The following MMP20 variants were observed in gnomAD, a reference collection of about 807,000 sequenced individuals.
MMP20 encodes matrix metalloproteinase-20.
A neutral mutation model predicts 51.8 loss-of-function variants in MMP20; 50 were observed. The observed-to-expected ratio is 0.97, with a 90% CI of 0.77 to 1.22. The LOEUF (loss-of-function observed/expected upper bound fraction) is 1.22, where lower values mean the gene tolerates loss of function less well. Among genes scored for constraint, MMP20 ranks in the 50% most tolerant of loss-of-function variants. The pLI, the probability that MMP20 is intolerant of heterozygous loss-of-function variation, is 0.00. For missense variants in MMP20, 663 were observed against 601.4 expected, an observed-to-expected ratio of 1.10 and a Z score of -1.07; for synonymous variants, 244 against 216.2, an observed-to-expected ratio of 1.13 and a Z score of -1.13.
At position 102,578,737 on chromosome 11, in the gene MMP20, AAAAAACAAAAAACAAAAAACAAAAAAC is replaced by A. The variant is rs1479406853; in HGVS notation, c.1351+275_1351+301del. 3.3e-3 allele frequency among the ~76,000 whole-genome samples: 3 copies of A among 908 alleles called. No homozygotes were observed. In the Non-Finnish European group the frequency reaches 0.036, roughly 11 times the overall value. 0.6% of individuals were successfully genotyped at this position (908 alleles called of 152,430 possible). A position where few individuals can be genotyped will look rare whatever the true frequency, so the allele number is the denominator to read the frequency against. On this transcript the variant is annotated intron_variant, in intron 9 of 9. Transcript: ENST00000260228. ...GCCACAGAGCGAGACTCCGTCTCAA[AAAAAACAAAAAACAAAAAACAAAAAAC>A]AAAAACAAAAAACAAAACACACACA...
At chr11:102,579,963 A>G (rs1859174669) in intron 8 of MMP20, among the ~76,000 whole-genome samples, 1 of 152,248 alleles carries the variant, frequency 6.6e-6, no homozygotes, top group Admixed American at 6.5e-5. Context: ...CCATGGAGAA[A>G]GGGTTGAACA....
intron 8 of MMP20, among the ~76,000 whole-genome samples, chr11:102,590,288 AG>A (rs567400587): frequency 1.4e-3 from 209 of 152,356 alleles, no homozygotes; most frequent in African/African-American, 4.8e-3. Flanking sequence ...AATAAAAGTA[AG>A]GGGAAGTGGT....
chr11:102,582,484 G>A (rs983584493), intron 8 of MMP20, among the ~76,000 whole-genome samples: 1 of 152,148 alleles, frequency 6.6e-6, no homozygotes, highest in African/African-American at 2.4e-5. Flanking sequence ...CCATTTTGAA[G>A]TTAATGATTT....
intron 1 of MMP20, among the ~76,000 whole-genome samples, chr11:102,617,466 T>A (rs1859689544): frequency 1.3e-5 from 2 of 152,254 alleles, no homozygotes; most frequent in African/African-American, 4.8e-5. Flanking sequence ...ACAAAGGCTA[T>A]CTGGTTTCTT....
At position 102,577,256 on chromosome 11, in the gene MMP20, T is replaced by C. The variant is rs1859136187; in HGVS notation, c.*70A>G. ...AGAATCCCTCTCCTACATTCTGCTT[T>C]AGTCCTTAAGATCCAGTTAGAGGCT... On this transcript the variant is annotated 3_prime_UTR_variant, in exon 10 of 10. Transcript: ENST00000260228. 6.9e-6 allele frequency: 7 copies of C among 1,013,400 alleles called. No individual in the cohort carries two copies. The highest frequency in any genetic ancestry group is 1.1e-5 in the Non-Finnish European group (7 of 633,722). The allele number at this position is 1,013,400 out of a possible 1,614,324, so 62.8% of individuals were successfully genotyped here. A position where few individuals can be genotyped will look rare whatever the true frequency, so the allele number is the denominator to read the frequency against.
rs376451354 is a variant in MMP20 at position 102,608,944 on chromosome 11, T to C, written c.804A>G (p.Ala268=). Residue 268 remains alanine (A), a synonymous_variant, in exon 5 of 10, where the codon GCA becomes GCG. Coordinates refer to ENST00000260228, the MANE Select transcript of MMP20 (RefSeq NM_004771.4). ...AGAAGGTAATAATCTTACCGTATAA[T>C]GCCTGGATCCCTTTCACATCATCTT... is the stretch of plus-strand genomic sequence containing the variant. ...LPKDDVKGIQ[A]LYGPRKVFLG... is the part of the protein sequence containing the mutation. 15 of 1,614,044 alleles carry C rather than the reference T, an allele frequency of 9.3e-6. No individual in the cohort carries two copies. The highest frequency in any genetic ancestry group is 2.7e-5 in the African/African-American group (2 of 74,936).
chr11:102,616,431 G>T (rs1230342816), intron 2 of MMP20, among the ~76,000 whole-genome samples: 6 of 152,108 alleles, frequency 3.9e-5, no homozygotes, highest in East Asian at 1.9e-4. Flanking sequence ...ATCAATAAAA[G>T]ATTTTTGGAA....
chr11:102,616,582 ATTGT>A (rs997316632), intron 2 of MMP20, among the ~76,000 whole-genome samples: 16 of 152,252 alleles, frequency 1.1e-4, no homozygotes, highest in Admixed American at 1.0e-3. Flanking sequence ...AGCTGGTAAA[ATTGT>A]TTGGAATGCC....
rs1022761273 is a variant in MMP20 at position 102,587,017 on chromosome 11, C to T, written c.1247+6422G>A. Among the ~76,000 whole-genome samples the T allele has an allele frequency of 3.9e-5, 6 of 151,996 alleles. No homozygotes were observed. In the East Asian group the frequency reaches 1.2e-3, roughly 29 times the overall value. On this transcript the variant is annotated intron_variant, in intron 8 of 9. Transcript: ENST00000260228. ...TAGGTTTAATATGTTCTTGATTTTC[C>T]ATTATCTCAAAGTGGAAGGTGAAGT...
Position 102,593,563 on chromosome 11 carries a change from T to G in MMP20, c.1123A>C (p.Met375Leu), listed in dbSNP as rs769958246. The G allele has an allele frequency of 1.2e-6, 2 of 1,614,128 alleles. No homozygotes were observed. Among genetic ancestry groups the G allele is most frequent in the Non-Finnish European group, 1.7e-6 (2 of 1,179,986 alleles). ...PHYWITRGFQ[M>L]QGPPRTIYDF... ...TAAATAGTCCGAGGAGGACCTTGCA[T>G]TTGGAATCCTCTTGTTATCCAGTAG... Residue 375 changes from methionine (M) to leucine (L), a missense_variant, in exon 8 of 10, where the codon ATG (methionine) becomes CTG (leucine). Coordinates refer to ENST00000260228, the MANE Select transcript of MMP20 (RefSeq NM_004771.4).
chr11:102,608,913 C>A, intron 5 of MMP20, 24 bp downstream of exon 5: 2 of 1,612,408 alleles, frequency 1.2e-6, no homozygotes, highest in African/African-American at 1.3e-5. Flanking sequence ...CAGGGTGAGT[C>A]ATCAAAGAAG....
intron 9 of MMP20, among the ~76,000 whole-genome samples, chr11:102,578,158 T>A (rs9787815): frequency 0.22 from 33,859 of 151,766 alleles, 4,456 homozygotes; most frequent in African/African-American, 0.37. Context: ...TTTTTTTTTT[T>A]TTTGAGACAG....
In MMP20 at chr11:102,595,512, T is replaced by C. The variant is rs180968822; in HGVS notation, c.954-755A>G. Among the ~76,000 whole-genome samples the C allele has an allele frequency of 1.8e-3, 279 of 152,352 alleles. 5 individuals are homozygous for C. Among genetic ancestry groups the C allele is most frequent in the Non-Finnish European group, 2.4e-4 (16 of 68,036 alleles). Reference sequence around the variant, plus strand: ...GTAACTATGATCCAGAAGGTGGACATTGTGAATAGTATGTAAATGAACCAG... The same window carrying C: ...GTAACTATGATCCAGAAGGTGGACACTGTGAATAGTATGTAAATGAACCAG... On this transcript the variant is annotated intron_variant, in intron 6 of 9. Transcript: ENST00000260228.
At chr11:102,616,682 A>T in intron 2 of MMP20, 130 bp downstream of exon 2, 1 of 1,225,208 alleles carries the variant, frequency 8.2e-7, no homozygotes, top group Non-Finnish European at 1.2e-6. Flanking sequence ...GGATGTAAAA[A>T]GTTCTTATTC....
In MMP20 at chr11:102,579,158, T is replaced by A. The variant is rs17174286; in HGVS notation, c.1248-16A>T. 634 of 1,561,670 alleles carry A rather than the reference T, an allele frequency of 4.1e-4. 5 individuals are homozygous for A. The African/African-American group carries it at 7.1e-3, about 17-fold the overall frequency. ...TTCGTCGTAGCTAGAAAAAGTATTA[T>A]TTCATAAATAATATTACTAAGAGGT... On this transcript the variant is annotated splice_polypyrimidine_tract_variant and intron_variant, in intron 8 of 9. Transcript: ENST00000260228.
chr11:102,609,222 A>G (rs977407860), intron 4 of MMP20, 124 bp from the exon 5 acceptor site: 2 of 898,296 alleles, frequency 2.2e-6, no homozygotes, highest in African/African-American at 1.7e-5. Flanking sequence ...TAACTGGATT[A>G]TTCAAAGGTT....
intron 1 of MMP20, among the ~76,000 whole-genome samples, chr11:102,624,179 A>C (rs1447453936): frequency 6.6e-6 from 1 of 152,202 alleles, no homozygotes; most frequent in Non-Finnish European, 1.5e-5. Flanking sequence ...CAGACAGCCA[A>C]GCGGTACACA....
chr11:102,595,915 T>C (rs933587538), intron 6 of MMP20, among the ~76,000 whole-genome samples: 4 of 152,248 alleles, frequency 2.6e-5, no homozygotes, highest in African/African-American at 9.6e-5. Context: ...GAAACTGTAA[T>C]AAAATTTTGA....
rs558880042 is a variant in MMP20 at position 102,600,562 on chromosome 11, C to T, written c.954-5805G>A. On this transcript the variant is annotated intron_variant, in intron 6 of 9. Coordinates refer to ENST00000260228, the MANE Select transcript of MMP20 (RefSeq NM_004771.4). ...GCAGTGGTGCAATCTCAGCTCACTG[C>T]AACCTCTGCCTCCAGGGTTCAAGTG... Among the ~76,000 whole-genome samples the T allele has an allele frequency of 1.6e-4, 24 of 152,310 alleles. No individual in the cohort carries two copies. The East Asian group carries it at 4.6e-3, about 29-fold the overall frequency.
Sources: gnomAD v4.1 joint callset for allele counts (sites outside exome capture counted in the v4.1 genomes callset) on GRCh38, gnomAD v4.1.1 for gene constraint, MANE v1.5 for transcripts, NCBI Gene and HGNC (gene_info 2026-07-23, HGNC 2026-07-21) for gene names.